The following ZBTB46 variants were observed in gnomAD, a reference collection of about 807,000 sequenced individuals.
The protein encoded by ZBTB46 is zinc finger and BTB domain containing 46.
ZBTB46 carries 8 observed loss-of-function variants against 44.1 expected under a neutral mutation model. The ratio of observed to expected loss-of-function variants is 0.18; its 90% CI spans 0.11 to 0.33. ZBTB46 has a LOEUF of 0.33. ZBTB46 is among the 10% of genes least tolerant of loss of function. The pLI is 1.00. For synonymous variants in ZBTB46, 409 were observed against 382.3 expected (o/e 1.07, Z -0.81); for missense variants, 651 against 847.7 (o/e 0.77, Z 2.88).
intron 4 of ZBTB46, 56 bp from the exon 5 acceptor site, chr20:63,747,357 G>C (rs2092105382): frequency 7.9e-7 from 1 of 1,273,386 alleles, no homozygotes; most frequent in Non-Finnish European, 1.0e-6. Flanking sequence ...GGCGGGGCAG[G>C]GGGTGAGCAG....
At chr20:63,829,944 C>T (rs188447886) in intron 1 of ZBTB46, among the ~76,000 whole-genome samples, 1 of 152,252 alleles carries the variant, frequency 6.6e-6, no homozygotes, top group African/African-American at 2.4e-5. Context: ...GTGTCTGCGC[C>T]CAGGCCGCGC....
intron 2 of ZBTB46, 100 bp downstream of exon 2, chr20:63,789,721 G>C: frequency 1.3e-6 from 2 of 1,503,300 alleles, no homozygotes; most frequent in Non-Finnish European, 1.8e-6. Flanking sequence ...AAAGCCACCA[G>C]TGTGAGCCTG....
chr20:63,785,765 G>A (rs1056929446), intron 2 of ZBTB46, among the ~76,000 whole-genome samples: 4 of 152,144 alleles, frequency 2.6e-5, no homozygotes, highest in African/African-American at 4.8e-5. Context: ...CCGCCACAGC[G>A]TGGGCAGAAC....
Position 63,746,736 on chromosome 20 carries a change from C to CCA in ZBTB46, c.*192_*193dup. ...CCCCCAACTCACTTCATGTCTGGTC[C>CCA]CAGAGCACCCCTCTTGCTGGGGTCG... is the stretch of plus-strand genomic sequence containing the variant. On this transcript the variant is annotated 3_prime_UTR_variant, in exon 5 of 5. Coordinates refer to ENST00000245663, the MANE Select transcript of ZBTB46 (RefSeq NM_001369741.1). 1.2e-6 allele frequency: 1 copy of CCA among 855,946 alleles called. No homozygotes were observed. The highest frequency in any genetic ancestry group is 1.7e-6 in the Non-Finnish European group (1 of 597,682). The allele number at this position is 855,946 out of a possible 1,614,324, so 53.0% of individuals were successfully genotyped here. A position where few individuals can be genotyped will look rare whatever the true frequency, so the allele number is the denominator to read the frequency against.
At chr20:63,819,900 T>G (rs1220874803) in intron 1 of ZBTB46, among the ~76,000 whole-genome samples, 1 of 152,034 alleles carries the variant, frequency 6.6e-6, no homozygotes, top group African/African-American at 2.4e-5. Flanking sequence ...TTCAAAACAC[T>G]CCGAAGTACA....
intron 1 of ZBTB46, among the ~76,000 whole-genome samples, chr20:63,815,845 AGTGAGTGCAGGTGCAG>A (rs2092750111): frequency 9.9e-6 from 1 of 101,008 alleles, no homozygotes; most frequent in African/African-American, 4.6e-5. Flanking sequence ...GCACAGGTGC[AGTGAGTGCAGGTGCAG>A]GTGGGCGCAG....
chr20:63,755,953 A>T (rs1226159252), intron 3 of ZBTB46, among the ~76,000 whole-genome samples: 1 of 152,234 alleles, frequency 6.6e-6, no homozygotes, highest in East Asian at 1.9e-4. Flanking sequence ...CCAAAAGAGT[A>T]ACTGAGAAGC....
In ZBTB46 at chr20:63,826,802, CAA is replaced by C. The variant is rs1343818187; in HGVS notation, c.-34+4293_-34+4294del. On this transcript the variant is annotated intron_variant, in intron 1 of 4. Coordinates refer to ENST00000245663, the MANE Select transcript of ZBTB46 (RefSeq NM_001369741.1). ...TGGGAAGGCATTATGTGTGCTGAAC[CAA>C]GTCTTCAGAAGGTACAACGTGAAAC... 2.0e-4 allele frequency among the ~76,000 whole-genome samples: 30 copies of C among 152,318 alleles called. No homozygotes were observed. The East Asian group carries it at 4.6e-3, about 24-fold the overall frequency.
rs375270974 is a variant in ZBTB46, at chr20:63,753,031, A to G, written c.1223-170T>C. On this transcript the variant is annotated intron_variant, in intron 3 of 4. Transcript: ENST00000245663. ...CAGGCCAGGCTCCCCCACCATCTGCATAAATTGTCCCACCCACTGTCTGGC... is the reference window on the plus strand; with the variant it reads ...CAGGCCAGGCTCCCCCACCATCTGCGTAAATTGTCCCACCCACTGTCTGGC... Among the ~76,000 whole-genome samples the G allele has an allele frequency of 3.2e-4, 49 of 152,306 alleles. 1 individual carries two copies. The East Asian group carries it at 7.2e-3, about 22-fold the overall frequency.
chr20:63,813,730 T>A (rs947407645), intron 1 of ZBTB46, among the ~76,000 whole-genome samples: 4 of 152,104 alleles, frequency 2.6e-5, no homozygotes, highest in Non-Finnish European at 4.4e-5. Flanking sequence ...TTCAGGGACA[T>A]CACCACCCAC....
At chr20:63,763,320 G>T (rs1420289998) in intron 3 of ZBTB46, among the ~76,000 whole-genome samples, 1 of 151,978 alleles carries the variant, frequency 6.6e-6, no homozygotes, top group Admixed American at 6.6e-5. Context: ...ATCACGTATT[G>T]TATCGGGCCA....
chr20:63,785,068 C>T (rs1266263075), intron 2 of ZBTB46, among the ~76,000 whole-genome samples: 3 of 151,064 alleles, frequency 2.0e-5, no homozygotes, highest in Non-Finnish European at 4.4e-5. Flanking sequence ...CCCGTCTCTA[C>T]TAAAAATACA....
At chr20:63,823,972 C>A (rs759119831) in intron 1 of ZBTB46, among the ~76,000 whole-genome samples, 5 of 151,798 alleles carry the variant, frequency 3.3e-5, no homozygotes, top group African/African-American at 4.8e-5. Flanking sequence ...CGTAAACGAC[C>A]AGATTACACT....
intron 1 of ZBTB46, among the ~76,000 whole-genome samples, chr20:63,796,213 T>C (rs1255628001): frequency 6.6e-6 from 1 of 152,212 alleles, no homozygotes; most frequent in African/African-American, 2.4e-5. Flanking sequence ...CTAATAAAAA[T>C]GTAAAACAGC....
intron 2 of ZBTB46, among the ~76,000 whole-genome samples, chr20:63,784,890 G>C (rs2092499892): frequency 6.6e-6 from 1 of 152,224 alleles, no homozygotes; most frequent in Admixed American, 6.5e-5. Flanking sequence ...AGGGGTTGGG[G>C]CATCGGCGTC....
chr20:63,784,203 G>A (rs1568864787), intron 2 of ZBTB46, among the ~76,000 whole-genome samples: 1 of 152,216 alleles, frequency 6.6e-6, no homozygotes, highest in Non-Finnish European at 1.5e-5. Context: ...AGGAGCTGCT[G>A]TCAGCACAAG....
At chr20:63,773,441 A>G (rs1042956538) in intron 3 of ZBTB46, among the ~76,000 whole-genome samples, 10 of 152,074 alleles carry the variant, frequency 6.6e-5, no homozygotes, top group Middle Eastern at 3.4e-3. Context: ...CCAGGCTCCC[A>G]AAGTCGTTCT....
rs572905070 is a variant in ZBTB46, at chr20:63,818,910, C to G, written c.-34+12187G>C. ...AAAAAGAAGGCCAGGCGCAGTGGCT[C>G]AAGCCTGTAATCCCAGCACTTTGGG... On this transcript the variant is annotated intron_variant, in intron 1 of 4. Coordinates refer to ENST00000245663, the MANE Select transcript of ZBTB46 (RefSeq NM_001369741.1). 3.4e-5 allele frequency among the ~76,000 whole-genome samples: 5 copies of G among 146,998 alleles called. No homozygotes were observed. The South Asian group carries it at 6.4e-4, about 19-fold the overall frequency.
At chr20:63,766,674 G>A (rs528250386) in intron 3 of ZBTB46, among the ~76,000 whole-genome samples, 2 of 152,308 alleles carry the variant, frequency 1.3e-5, no homozygotes, top group African/African-American at 4.8e-5. Flanking sequence ...CCAGCAGAGC[G>A]CGGTCACCTT....
Sources: gnomAD v4.1 joint callset for allele counts (sites outside exome capture counted in the v4.1 genomes callset) on GRCh38, gnomAD v4.1.1 for gene constraint, MANE v1.5 for transcripts, NCBI Gene and HGNC (gene_info 2026-07-23, HGNC 2026-07-21) for gene names.